Variants in SNTG1 observed in about 807,000 individuals in gnomAD.
SNTG1 encodes syntrophin gamma 1.
Under a neutral mutation model 74.7 loss-of-function variants are expected in SNTG1, and 39 were observed. The ratio of observed to expected loss-of-function variants is 0.52; its 90% CI spans 0.40 to 0.68. The LOEUF (loss-of-function observed/expected upper bound fraction) is 0.68. SNTG1 is among the 30% of genes least tolerant of loss of function. The pLI, the probability that SNTG1 is intolerant of heterozygous loss-of-function variation, is 0.00. For missense variants in SNTG1, 685 were observed against 609.5 expected (o/e 1.12, Z -1.30); for synonymous variants, 254 against 217.1 (o/e 1.17, Z -1.49).
At position 50,556,775 on chromosome 8, in the gene SNTG1, T is replaced by C. The variant is rs74759187; in HGVS notation, c.810+3596T>C. 1.3e-3 allele frequency among the ~76,000 whole-genome samples: 204 copies of C among 152,332 alleles called. 1 individual carries two copies. The highest frequency in any genetic ancestry group is 4.5e-3 in the African/African-American group (189 of 41,598). ...TCACTTCCTGGCATTTACACCCTTA[T>C]GGGATCACCTTCCATGTGCGTTGGC... On this transcript the variant is annotated intron_variant, in intron 12 of 18. Coordinates refer to ENST00000642720, the MANE Select transcript of SNTG1 (RefSeq NM_018967.5).
intron 18 of SNTG1, among the ~76,000 whole-genome samples, chr8:50,791,274 T>C (rs35865017): frequency 2.2e-4 from 34 of 151,878 alleles, no homozygotes; most frequent in Non-Finnish European, 4.7e-4. Context: ...GCTTCTAAGA[T>C]CATTATGATG....
rs548413251 is a variant in SNTG1 at position 50,323,611 on chromosome 8, G to A, written c.-27-70601G>A. Among the ~76,000 whole-genome samples the A allele has an allele frequency of 2.0e-5, 3 of 152,216 alleles. No homozygotes were observed. The South Asian group carries it at 6.2e-4, about 32-fold the overall frequency. On this transcript the variant is annotated intron_variant, in intron 2 of 18. Transcript: ENST00000642720. Reference sequence around the variant, plus strand: ...CTCTCAATTACCAGCCAGTGTCTTGGTGTTTTCCTTTATTTTCTCAGAAAC... The same window carrying A: ...CTCTCAATTACCAGCCAGTGTCTTGATGTTTTCCTTTATTTTCTCAGAAAC...
intron 1 of SNTG1, among the ~76,000 whole-genome samples, chr8:50,087,080 C>T (rs1822957327): frequency 6.6e-6 from 1 of 152,140 alleles, no homozygotes; most frequent in Non-Finnish European, 1.5e-5. Context: ...TGAGGTATTA[C>T]ACCATTATGT....
intron 2 of SNTG1, among the ~76,000 whole-genome samples, chr8:50,358,851 T>C (rs1430602116): frequency 6.6e-6 from 1 of 152,172 alleles, no homozygotes; most frequent in Non-Finnish European, 1.5e-5. Flanking sequence ...CATCATCAAG[T>C]GTGACAATAA....
chr8:49,966,244 G>A (rs1811124013), intron 1 of SNTG1, among the ~76,000 whole-genome samples: 1 of 151,820 alleles, frequency 6.6e-6, no homozygotes, highest in Non-Finnish European at 1.5e-5. Flanking sequence ...TTTGTAAAAA[G>A]GTATATTTAT....
chr8:50,434,250 T>C (rs927413159), intron 4 of SNTG1, among the ~76,000 whole-genome samples: 2 of 152,220 alleles, frequency 1.3e-5, no homozygotes, highest in African/African-American at 2.4e-5. Context: ...TAGTATTCCA[T>C]GGTATATGTG....
intron 12 of SNTG1, among the ~76,000 whole-genome samples, chr8:50,555,321 A>G (rs1370027241): frequency 6.6e-6 from 1 of 152,194 alleles, no homozygotes; most frequent in Non-Finnish European, 1.5e-5. Flanking sequence ...TTCCATTCAA[A>G]AGTATTAGGT....
At chr8:50,398,501 A>AT (rs1051345504) in intron 3 of SNTG1, among the ~76,000 whole-genome samples, 1 of 152,094 alleles carries the variant, frequency 6.6e-6, no homozygotes, top group Non-Finnish European at 1.5e-5. Context: ...TCCTCAATTA[A>AT]TTTTTTTCAA....
intron 18 of SNTG1, among the ~76,000 whole-genome samples, chr8:50,756,167 T>C (rs184995871): frequency 2.6e-5 from 4 of 152,026 alleles, no homozygotes; most frequent in African/African-American, 9.6e-5. Flanking sequence ...TTATCTGCTA[T>C]GTTGTCTGCA....
rs1361728642 is a variant in SNTG1 at position 50,536,790 on chromosome 8, C to T, written c.662C>T (p.Pro221Leu). ...LLHSRFSQYV[P>L]GTDLSRQNAF... ...CATTCGCGCTTCTCTCAGTATGTGC[C>T]CGGCACAGATTTGAGTCGGTGAGTC... The change falls in exon 11 of 19, where the codon CCC becomes CTC. Residue 221 changes from proline (P) to leucine (L), a missense_variant. Pro to Leu is a moderately conservative substitution (Grantham distance 98). Transcript: ENST00000642720. 6.2e-7 allele frequency: 1 copy of T among 1,613,778 alleles called. No individual in the cohort carries two copies. Among genetic ancestry groups the T allele is most frequent in the African/African-American group, 1.3e-5 (1 of 74,884 alleles).
intron 8 of SNTG1, among the ~76,000 whole-genome samples, chr8:50,489,638 A>T (rs2093832376): frequency 1.3e-5 from 2 of 151,908 alleles, no homozygotes; most frequent in Admixed American, 1.3e-4. Context: ...TTTTTCTTGT[A>T]AATTTGTTTA....
chr8:50,742,754 C>T (rs982077849), intron 17 of SNTG1, among the ~76,000 whole-genome samples: 13 of 151,402 alleles, frequency 8.6e-5, no homozygotes, highest in Admixed American at 3.3e-4. Flanking sequence ...AGGTTGGTTC[C>T]TTGAAAAAAT....
chr8:50,033,722 C>T (rs1022983296), intron 1 of SNTG1, among the ~76,000 whole-genome samples: 12 of 151,962 alleles, frequency 7.9e-5, no homozygotes, highest in African/African-American at 2.9e-4. Context: ...ATTGTAAGAA[C>T]GCCAGTCAGA....
intron 11 of SNTG1, among the ~76,000 whole-genome samples, chr8:50,537,683 T>C (rs2094317639): frequency 6.6e-6 from 1 of 152,160 alleles, no homozygotes; most frequent in Non-Finnish European, 1.5e-5. Flanking sequence ...TTTGTTCTTA[T>C]AGCTTTCTGA....
intron 4 of SNTG1, among the ~76,000 whole-genome samples, chr8:50,415,205 G>A (rs543418376): frequency 6.6e-6 from 1 of 152,248 alleles, no homozygotes; most frequent in East Asian, 1.9e-4. Flanking sequence ...AAACCAAGGA[G>A]TTCTGAAAAT....
At chr8:50,673,406 G>C (rs373348662) in intron 15 of SNTG1, among the ~76,000 whole-genome samples, 72 of 151,812 alleles carry the variant, frequency 4.7e-4, no homozygotes, top group African/African-American at 1.6e-3. Flanking sequence ...CCTGTTAGCT[G>C]TATTTCTAGG....
At chr8:50,301,487 C>A (rs1472722071) in intron 2 of SNTG1, among the ~76,000 whole-genome samples, 1 of 151,896 alleles carries the variant, frequency 6.6e-6, no homozygotes, top group East Asian at 1.9e-4. Context: ...TCATTTAATT[C>A]TTTAAAAATG....
chr8:50,605,270 G>A (rs2094804832), intron 13 of SNTG1, among the ~76,000 whole-genome samples: 1 of 151,814 alleles, frequency 6.6e-6, no homozygotes, highest in Admixed American at 6.6e-5. Context: ...TAGGTCAGGT[G>A]TTTCCCTGTT....
intron 1 of SNTG1, among the ~76,000 whole-genome samples, chr8:50,070,513 A>G (rs1386383571): frequency 6.6e-6 from 1 of 152,198 alleles, no homozygotes; most frequent in Non-Finnish European, 1.5e-5. Context: ...ATACCCATGC[A>G]CCTGTGAATT....
Sources: allele counts gnomAD v4.1 joint callset (sites outside exome capture counted in the v4.1 genomes callset), GRCh38; gene constraint gnomAD v4.1.1; transcripts MANE v1.5; gene names NCBI Gene and HGNC (gene_info 2026-07-23, HGNC 2026-07-21).